Variants in SP4 observed in about 807,000 individuals in gnomAD.
SP4 encodes the protein Sp4 transcription factor, also known as transcription factor Sp4.
In SP4, 19 loss-of-function variants were observed where a neutral mutation model predicts 72.8. The observed-to-expected ratio is 0.26, with a 90% CI of 0.18 to 0.38. The LOEUF is 0.38. SP4 is among the 10% of genes least tolerant of loss of function. The probability of loss-of-function intolerance (pLI) is 1.00; values close to 1 mark genes in which losing one functional copy is unlikely to be tolerated. For missense variants in SP4, 1,008 were observed against 926.3 expected, an observed-to-expected ratio of 1.09 and a Z score of -1.14; for synonymous variants, 395 against 333.1, an observed-to-expected ratio of 1.19 and a Z score of -2.02.
rs1204941563 is a variant in SP4, at chr7:21,513,434, T to G, written c.*2165T>G. 1 of 152,668 alleles carries G rather than the reference T, an allele frequency of 6.6e-6. No homozygotes were observed. The highest frequency in any genetic ancestry group is 1.5e-5 in the Non-Finnish European group (1 of 68,032). 9.5% of individuals were successfully genotyped at this position (152,668 alleles called of 1,614,324 possible). ...TATTTAATGTACTCTTAACAACTGA[T>G]GTATCTGGCTTTAAAACATCAGAAT... On this transcript the variant is annotated 3_prime_UTR_variant, in exon 6 of 6. Coordinates refer to ENST00000222584, the MANE Select transcript of SP4 (RefSeq NM_003112.5).
chr7:21,508,023 G>A (rs1413525767), intron 5 of SP4, among the ~76,000 whole-genome samples: 20 of 151,792 alleles, frequency 1.3e-4, no homozygotes, highest in Admixed American at 1.2e-3. Flanking sequence ...CTTGGCTTCT[G>A]CACGAGGTTG....
intron 3 of SP4, among the ~76,000 whole-genome samples, chr7:21,468,002 G>C (rs1224072610): frequency 4.6e-5 from 7 of 152,090 alleles, no homozygotes; most frequent in Non-Finnish European, 1.0e-4. Flanking sequence ...TAGATAAATA[G>C]TTTTGTTTTT....
intron 1 of SP4, 41 bp downstream of exon 1, chr7:21,428,299 CCTCT>C: frequency 2.6e-6 from 3 of 1,149,286 alleles, no homozygotes; most frequent in Non-Finnish European, 3.8e-6. Context: ...TCGCCGCCTC[CCTCT>C]CTCCCTCCCT....
At chr7:21,447,295 A>G (rs1385166993) in intron 3 of SP4, among the ~76,000 whole-genome samples, 2 of 152,168 alleles carry the variant, frequency 1.3e-5, no homozygotes, top group Non-Finnish European at 2.9e-5. Flanking sequence ...TATACCAAAG[A>G]TTTTACCATA....
chr7:21,459,982 T>C (rs1783902893), intron 3 of SP4, among the ~76,000 whole-genome samples: 1 of 152,050 alleles, frequency 6.6e-6, no homozygotes, highest in African/African-American at 2.4e-5. Context: ...AAAAGAGAGA[T>C]GAATGGTAAA....
chr7:21,459,772 C>T (rs747696378), intron 3 of SP4, among the ~76,000 whole-genome samples: 1 of 152,176 alleles, frequency 6.6e-6, no homozygotes, highest in African/African-American at 2.4e-5. Flanking sequence ...CTAACTTTGT[C>T]CTCTTACCAC....
Position 21,428,199 on chromosome 7 carries a change from C to CCCCCCCCCCAA in SP4, c.-53_-52insCCCCCCCCCAA. On this transcript the variant is annotated 5_prime_UTR_variant, in exon 1 of 6. Coordinates refer to ENST00000222584, the MANE Select transcript of SP4 (RefSeq NM_003112.5). Reference sequence around the variant, plus strand: ...TCTCCTCCCGCCTCGCCCCCACCCCCACCCACCTCTATCCCAGTGTCTCCG... The same window carrying CCCCCCCCCCAA: ...TCTCCTCCCGCCTCGCCCCCACCCCCCCCCCCCCCAAACCCACCTCTATCCCAGTGTCTCCG... 6 of 1,119,116 alleles carry CCCCCCCCCCAA rather than the reference C, an allele frequency of 5.4e-6. No homozygotes were observed. The highest frequency in any genetic ancestry group is 5.9e-5 in the East Asian group (2 of 34,090). The allele number at this position is 1,119,116 out of a possible 1,614,324, so 69.3% of individuals were successfully genotyped here. A position where few individuals can be genotyped will look rare whatever the true frequency, so the allele number is the denominator to read the frequency against.
chr7:21,462,209 G>C (rs968224014), intron 3 of SP4, among the ~76,000 whole-genome samples: 3 of 151,826 alleles, frequency 2.0e-5, no homozygotes, highest in African/African-American at 7.3e-5. Flanking sequence ...GTATTTTGTA[G>C]AGATGGGGTT....
At position 21,430,009 on chromosome 7, in the gene SP4, C is replaced by G; in HGVS notation, c.844C>G (p.Gln282Glu). The change falls in exon 3 of 6, where the codon CAG (glutamine) becomes GAG (glutamate). Residue 282 changes from glutamine to glutamate, a missense_variant. Gln to Glu is a conservative substitution (Grantham distance 29). Around this residue, in one of 3 missense-constraint regions of SP4, gnomAD observed 893 missense variants for 743.3 expected, o/e 1.20. Transcript: ENST00000222584. Reference sequence around the variant, plus strand: ...CGTGGCTGCCGGAGGAGGGACTGGGCAGGTTGGCCAGCCTGCTGCTACTGC... The same window carrying G: ...CGTGGCTGCCGGAGGAGGGACTGGGGAGGTTGGCCAGCCTGCTGCTACTGC... ...NNVAAGGGTGQVGQPAATADS... is the reference protein window; with the variant it reads ...NNVAAGGGTGEVGQPAATADS... 1 of 1,614,166 alleles carries G rather than the reference C, an allele frequency of 6.2e-7. No homozygotes were observed. Among genetic ancestry groups the G allele is most frequent in the Non-Finnish European group, 8.5e-7 (1 of 1,180,008 alleles).
chr7:21,474,096 T>G (rs1784423906), intron 3 of SP4, among the ~76,000 whole-genome samples: 1 of 152,154 alleles, frequency 6.6e-6, no homozygotes, highest in African/African-American at 2.4e-5. Context: ...GCTCACAATA[T>G]GGAGGCTTGA....
chr7:21,508,688 C>G (rs1782070522), intron 5 of SP4, among the ~76,000 whole-genome samples: 1 of 152,014 alleles, frequency 6.6e-6, no homozygotes, highest in Non-Finnish European at 1.5e-5. Flanking sequence ...CAGAGAAATC[C>G]CAGGTTCCTC....
rs753070410 is a variant in SP4, at chr7:21,430,491, G to A, written c.1326G>A (p.Gln442=). 6.2e-7 allele frequency: 1 copy of A among 1,614,212 alleles called. No individual in the cohort carries two copies. Among genetic ancestry groups the A allele is most frequent in the Non-Finnish European group, 8.5e-7 (1 of 1,180,052 alleles). ...AGACCATCCAGCAGCAGCCTTTACA[G>A]AATGTTCAACTTCAAGCAGTAAATC... is the stretch of plus-strand genomic sequence containing the variant. ...TIQTIQQQPL[Q]NVQLQAVNPT... The change falls in exon 3 of 6, where the codon CAG becomes CAA. Residue 442 remains glutamine (Q), a synonymous_variant. Transcript: ENST00000222584.
At chr7:21,447,945 A>G (rs1203579477) in intron 3 of SP4, among the ~76,000 whole-genome samples, 1 of 152,126 alleles carries the variant, frequency 6.6e-6, no homozygotes, top group Non-Finnish European at 1.5e-5. Flanking sequence ...CGGCCTCCCA[A>G]AGTGCTGGGA....
Position 21,429,270 on chromosome 7 carries a change from ACCGT to A in SP4, c.124-16_124-13del. On this transcript the variant is annotated splice_polypyrimidine_tract_variant and intron_variant, in intron 2 of 5. Transcript: ENST00000222584. ...TTTTTTTCCCCCCCCCCTCTCCTTT[ACCGT>A]CCCATTTTGGGTAGGACTCTCAGCC... The A allele has an allele frequency of 9.2e-7, 1 of 1,091,998 alleles. No homozygotes were observed. 67.6% of individuals were successfully genotyped at this position (1,091,998 alleles called of 1,614,324 possible).
intron 3 of SP4, among the ~76,000 whole-genome samples, chr7:21,441,261 G>A (rs1284471185): frequency 6.6e-6 from 1 of 152,188 alleles, no homozygotes; most frequent in East Asian, 1.9e-4. Context: ...CTTGAGTCAA[G>A]CTGCTAAACT....
rs777110901 is a variant in SP4, at chr7:21,511,266, C to A, written c.2352C>A (p.Phe784Leu). ...TPNVSTNMEEF is the reference protein window; with the variant it reads ...TPNVSTNMEEL ...ATGTTTCAACCAACATGGAAGAATTCTGAAAAGTTATTTATAACAGAGACC... is the reference window on the plus strand; with the variant it reads ...ATGTTTCAACCAACATGGAAGAATTATGAAAAGTTATTTATAACAGAGACC... The change falls in exon 6 of 6, where the codon TTC becomes TTA. Residue 784 changes from phenylalanine (F) to leucine (L), a missense_variant. Phe to Leu is a conservative substitution (Grantham distance 22, BLOSUM62 0). Around this residue, in one of 3 missense-constraint regions of SP4, gnomAD observed 67 missense variants for 66.1 expected, o/e 1.01. Coordinates refer to ENST00000222584, the MANE Select transcript of SP4 (RefSeq NM_003112.5). The A allele has an allele frequency of 3.1e-6, 5 of 1,613,548 alleles. No homozygotes were observed. In the Admixed American group the frequency reaches 8.3e-5, roughly 27 times the overall value.
In SP4 at chr7:21,464,658, T is replaced by C. The variant is rs112034955; in HGVS notation, c.1679-12421T>C. Among the ~76,000 whole-genome samples the C allele has an allele frequency of 4.6e-5, 7 of 151,910 alleles. No homozygotes were observed. The East Asian group carries it at 5.8e-4, about 13-fold the overall frequency. ...TCAAACTCCTGGGCTCAGGCAGTTC[T>C]CCAGTCTCAGCCTTCTGAGTAGCTG... On this transcript the variant is annotated intron_variant, in intron 3 of 5. Coordinates refer to ENST00000222584, the MANE Select transcript of SP4 (RefSeq NM_003112.5).
At chr7:21,477,840 C>T (rs539144247) in intron 4 of SP4, among the ~76,000 whole-genome samples, 2 of 152,138 alleles carry the variant, frequency 1.3e-5, no homozygotes, top group Non-Finnish European at 2.9e-5. Context: ...TCGCCCAGCC[C>T]ATTTTTTTTC....
At chr7:21,442,075 G>A (rs7795172) in intron 3 of SP4, among the ~76,000 whole-genome samples, 109,070 of 136,334 alleles carry the variant, frequency 0.8, 44,097 homozygotes, top group African/African-American at 0.95. Context: ...GTCTTGTTCT[G>A]TCACCCAGGC....
Sources: allele counts gnomAD v4.1 joint callset (sites outside exome capture counted in the v4.1 genomes callset), GRCh38; gene constraint gnomAD v4.1.1; regional missense constraint gnomAD v4.1.1; transcripts MANE v1.5; gene names NCBI Gene and HGNC (gene_info 2026-07-23, HGNC 2026-07-21).